GABRB3: variants seen among roughly 807,000 people sequenced by gnomAD.
The protein encoded by GABRB3 is gamma-aminobutyric acid receptor subunit beta-3.
Under a neutral mutation model 52.1 loss-of-function variants are expected in GABRB3, and 14 were observed. The observed-to-expected ratio is 0.27, with a 90% CI of 0.18 to 0.42. GABRB3 has a LOEUF of 0.42. Ranked by LOEUF, GABRB3 falls within the 10% of genes least tolerant of loss-of-function variation. GABRB3 has a pLI of 1.00. For missense variants in GABRB3, 307 were observed against 609.1 expected (o/e 0.50, Z 5.22); for synonymous variants, 260 against 232.3 (o/e 1.12, Z -1.08).
At chr15:26,677,283 C>A (rs575914710) in intron 3 of GABRB3, among the ~76,000 whole-genome samples, 1 of 152,300 alleles carries the variant, frequency 6.6e-6, no homozygotes, top group Non-Finnish European at 1.5e-5. Context: ...CCTTTCCCTT[C>A]GCTGATTTCA....
chr15:26,554,176 G>GAGTATATATATATA (rs71420007), intron 8 of GABRB3, among the ~76,000 whole-genome samples: 26 of 27,332 alleles, frequency 9.5e-4, no homozygotes, highest in African/African-American at 2.0e-3. Context: ...TATATATAAA[G>GAGTATATATATATA]TATATATATA....
At chr15:26,633,361 C>T (rs1201673264) in intron 3 of GABRB3, among the ~76,000 whole-genome samples, 1 of 152,186 alleles carries the variant, frequency 6.6e-6, no homozygotes, top group Non-Finnish European at 1.5e-5. Context: ...TTCCAGTGCT[C>T]CAGGGCTCAC....
At chr15:26,747,028 G>A (rs1170584318) in intron 3 of GABRB3, among the ~76,000 whole-genome samples, 1 of 152,026 alleles carries the variant, frequency 6.6e-6, no homozygotes, top group Non-Finnish European at 1.5e-5. Context: ...ATAATCAGTT[G>A]GGCATATTTG....
At chr15:26,660,003 G>C (rs558624972) in intron 3 of GABRB3, among the ~76,000 whole-genome samples, 1 of 152,120 alleles carries the variant, frequency 6.6e-6, no homozygotes, top group Non-Finnish European at 1.5e-5. Flanking sequence ...AGGCCGAGGC[G>C]GGTGGATCAC....
chr15:26,653,063 C>T (rs975435696), intron 3 of GABRB3, among the ~76,000 whole-genome samples: 1 of 152,180 alleles, frequency 6.6e-6, no homozygotes, highest in African/African-American at 2.4e-5. Flanking sequence ...CAACCTCCAA[C>T]CTGCCTTCTT....
intron 3 of GABRB3, among the ~76,000 whole-genome samples, chr15:26,685,650 T>C (rs1888377295): frequency 1.3e-5 from 2 of 152,176 alleles, no homozygotes; most frequent in South Asian, 4.1e-4. Flanking sequence ...TTCAATACGA[T>C]TATGAAACAG....
intron 3 of GABRB3, chr15:26,658,615 GC>G (rs1455082911): frequency 6.6e-6 from 1 of 152,188 alleles, no homozygotes; most frequent in Non-Finnish European, 1.5e-5. Flanking sequence ...TGATGGTCAG[GC>G]CTTCTGTTAG....
At chr15:26,615,551 T>C in intron 4 of GABRB3, 1 of 672,302 alleles carries the variant, frequency 1.5e-6, no homozygotes, top group Non-Finnish European at 1.9e-6. Flanking sequence ...CTCAAGCATC[T>C]GCGTGAGTGG....
At chr15:26,670,648 A>G (rs920726217) in intron 3 of GABRB3, among the ~76,000 whole-genome samples, 2 of 152,172 alleles carry the variant, frequency 1.3e-5, no homozygotes, top group Non-Finnish European at 2.9e-5. Context: ...GAAAATTACA[A>G]TTCTGGGATT....
intron 3 of GABRB3, among the ~76,000 whole-genome samples, chr15:26,667,275 T>C (rs1887746381): frequency 6.6e-6 from 1 of 152,164 alleles, no homozygotes; most frequent in African/African-American, 2.4e-5. Context: ...CAGCAGAGCC[T>C]CCCAGGACTT....
At chr15:26,597,257 T>C (rs1402747948) in intron 4 of GABRB3, among the ~76,000 whole-genome samples, 5 of 152,164 alleles carry the variant, frequency 3.3e-5, no homozygotes, top group Non-Finnish European at 7.3e-5. Flanking sequence ...GGATAGTTTA[T>C]CTAGGAAATT....
intron 3 of GABRB3, among the ~76,000 whole-genome samples, chr15:26,740,821 A>G (rs1002677556): frequency 1.4e-4 from 21 of 152,052 alleles, no homozygotes; most frequent in African/African-American, 4.8e-4. Context: ...GAGTACTAAG[A>G]ATGTACTCAT....
chr15:26,642,409 C>T (rs1893227309), intron 3 of GABRB3: 2 of 1,105,504 alleles, frequency 1.8e-6, no homozygotes, highest in African/African-American at 3.2e-5. Flanking sequence ...TGAGGGGCAA[C>T]TGTGTATATA....
At chr15:26,713,136 G>T (rs944490261) in intron 3 of GABRB3, among the ~76,000 whole-genome samples, 1 of 152,146 alleles carries the variant, frequency 6.6e-6, no homozygotes, top group African/African-American at 2.4e-5. Context: ...AACGGTCGGG[G>T]TCCTCCTGAC....
chr15:26,578,660 G>A (rs1187973342), intron 6 of GABRB3, among the ~76,000 whole-genome samples: 3 of 152,206 alleles, frequency 2.0e-5, no homozygotes, highest in Non-Finnish European at 4.4e-5. Context: ...TGAAAATGCA[G>A]TAAGAAATCC....
Position 26,580,409 on chromosome 15 carries a change from T to C in GABRB3, c.592A>G (p.Lys198Glu). ...ATCCTTTCCACTCCGGTAACAGCCT[T>C]GTCCCCGCCTCGCCAGTAAAACTCA... ...DIEFYWRGGD[K>E]AVTGVERIEL... Residue 198 changes from lysine to glutamate, a missense_variant, in exon 6 of 9, where the codon AAG (lysine) becomes GAG (glutamate). Coordinates refer to ENST00000311550, the MANE Select transcript of GABRB3 (RefSeq NM_000814.6). 6.2e-7 allele frequency: 1 copy of C among 1,614,180 alleles called. No individual in the cohort carries two copies. The highest frequency in any genetic ancestry group is 8.5e-7 in the Non-Finnish European group (1 of 1,180,018).
rs200137318 is a variant in GABRB3, at chr15:26,548,144, C to T, written c.1081-10G>A. Reference sequence around the variant, plus strand: ...TTCCATGAGCATCCACCTAATTGGACGGAAAATGCACATGGTTAGACAGCC... The same window carrying T: ...TTCCATGAGCATCCACCTAATTGGATGGAAAATGCACATGGTTAGACAGCC... On this transcript the variant is annotated splice_polypyrimidine_tract_variant and intron_variant, in intron 8 of 8. Coordinates refer to ENST00000311550, the MANE Select transcript of GABRB3 (RefSeq NM_000814.6). The T allele has an allele frequency of 1.4e-4, 222 of 1,607,860 alleles. No individual in the cohort carries two copies. The highest frequency in any genetic ancestry group is 3.6e-4 in the East Asian group (16 of 44,824).
chr15:26,663,009 A>G (rs545536162), intron 3 of GABRB3, among the ~76,000 whole-genome samples: 76 of 152,302 alleles, frequency 5.0e-4, no homozygotes, highest in African/African-American at 1.8e-3. Context: ...GGAAATAGAC[A>G]TTGGTACATT....
chr15:26,743,054 T>C (rs1890252221), intron 3 of GABRB3, among the ~76,000 whole-genome samples: 1 of 149,078 alleles, frequency 6.7e-6, no homozygotes, highest in Admixed American at 6.8e-5. Flanking sequence ...CTCAGCCTCC[T>C]GAGTAGCTGG....
Sources: allele counts gnomAD v4.1 joint callset (sites outside exome capture counted in the v4.1 genomes callset), GRCh38; gene constraint gnomAD v4.1.1; transcripts MANE v1.5; gene names NCBI Gene and HGNC (gene_info 2026-07-23, HGNC 2026-07-21).